The following MYT1L variants were observed in gnomAD, a reference collection of about 807,000 sequenced individuals.
The protein encoded by MYT1L is myelin transcription factor 1-like protein.
MYT1L carries 12 observed loss-of-function variants against 126.7 expected under a neutral mutation model. The ratio of observed to expected loss-of-function variants is 0.09; its 90% CI spans 0.06 to 0.15. The LOEUF is 0.15. MYT1L is among the 10% of genes least tolerant of loss of function. The pLI, the probability that MYT1L is intolerant of heterozygous loss-of-function variation, is 1.00. For missense variants in MYT1L, 979 were observed against 1,585.2 expected (o/e 0.62, Z 6.49); for synonymous variants, 541 against 604.2 (o/e 0.90, Z 1.53).
At chr2:2,207,085 C>A (rs11902218) in intron 2 of MYT1L, among the ~76,000 whole-genome samples, 35,384 of 152,120 alleles carry the variant, frequency 0.23, 4,468 homozygotes, top group African/African-American at 0.33. Context: ...CAGAAACACA[C>A]ATAAAACAAG....
chr2:1,997,805 G>A (rs1321244807), intron 4 of MYT1L, among the ~76,000 whole-genome samples: 2 of 152,334 alleles, frequency 1.3e-5, no homozygotes, highest in Middle Eastern at 3.4e-3. Context: ...GATGTCTCCA[G>A]GGACTTCTGG....
chr2:1,877,713 A>G (rs1326431978), intron 18 of MYT1L, among the ~76,000 whole-genome samples: 1 of 151,998 alleles, frequency 6.6e-6, no homozygotes, highest in Non-Finnish European at 1.5e-5. Flanking sequence ...GGCTGTGAGC[A>G]GTTCTGCTGA....
chr2:2,247,954 T>C (rs1048184540), intron 2 of MYT1L, among the ~76,000 whole-genome samples: 4 of 151,758 alleles, frequency 2.6e-5, no homozygotes, highest in African/African-American at 9.7e-5. Flanking sequence ...TTCAAATAAA[T>C]AACCAATAAT....
chr2:2,178,237 T>A (rs2091043522), intron 2 of MYT1L, among the ~76,000 whole-genome samples: 1 of 152,116 alleles, frequency 6.6e-6, no homozygotes, highest in South Asian at 2.1e-4. Flanking sequence ...TAAATTTAGG[T>A]TAGAAATTTA....
At chr2:1,994,310 C>T (rs1032266208) in intron 5 of MYT1L, among the ~76,000 whole-genome samples, 1 of 150,440 alleles carries the variant, frequency 6.6e-6, no homozygotes, top group African/African-American at 2.4e-5. Flanking sequence ...GGGCTCAGCC[C>T]TGGTTCACGC....
At chr2:2,178,221 G>T (rs1050512644) in intron 2 of MYT1L, among the ~76,000 whole-genome samples, 1 of 151,978 alleles carries the variant, frequency 6.6e-6, no homozygotes, top group Non-Finnish European at 1.5e-5. Flanking sequence ...TATAAAAAAT[G>T]ACTAATAAAT....
At chr2:2,056,352 G>A (rs148329189) in intron 3 of MYT1L, among the ~76,000 whole-genome samples, 1 of 152,348 alleles carries the variant, frequency 6.6e-6, no homozygotes, top group Non-Finnish European at 1.5e-5. Flanking sequence ...TGCTGGAGGT[G>A]AGACTACCTT....
At chr2:1,815,107 G>C (rs2037410507) in intron 21 of MYT1L, among the ~76,000 whole-genome samples, 1 of 152,212 alleles carries the variant, frequency 6.6e-6, no homozygotes, top group Admixed American at 6.5e-5. Flanking sequence ...AACCATGAAA[G>C]GCAGATGTCA....
At chr2:2,280,205 T>C (rs1444128102) in intron 2 of MYT1L, among the ~76,000 whole-genome samples, 1 of 152,250 alleles carries the variant, frequency 6.6e-6, no homozygotes, top group Middle Eastern at 3.2e-3. Context: ...AAGCATATAC[T>C]ATTCCTGCTT....
chr2:2,029,852 A>G (rs982615393), intron 4 of MYT1L, among the ~76,000 whole-genome samples: 7 of 152,232 alleles, frequency 4.6e-5, no homozygotes, highest in African/African-American at 1.7e-4. Context: ...CATATTTGTC[A>G]AAGTCAAAAA....
At chr2:2,050,109 T>C (rs2068662090) in intron 4 of MYT1L, among the ~76,000 whole-genome samples, 1 of 152,178 alleles carries the variant, frequency 6.6e-6, no homozygotes, top group Non-Finnish European at 1.5e-5. Context: ...TCATCTTTTG[T>C]AGTTTACATT....
Position 1,889,378 on chromosome 2 carries a change from G to T in MYT1L, c.2383C>A (p.Pro795Thr). 6.2e-7 allele frequency: 1 copy of T among 1,613,942 alleles called. No individual in the cohort carries two copies. Among genetic ancestry groups the T allele is most frequent in the Non-Finnish European group, 8.5e-7 (1 of 1,179,882 alleles). ...SCCPILTPLE[P>T]MSPQQQAVMN... ...ACTGCCTGCTGCTGGGGGGACATGG[G>T]CTCCAGAGGGGTCAGGATGGGGCAG... The change falls in exon 16 of 25, where the codon CCC becomes ACC. Residue 795 changes from proline (P) to threonine (T), a missense_variant. Pro to Thr is a conservative substitution (Grantham distance 38). Coordinates refer to ENST00000647738, the MANE Select transcript of MYT1L (RefSeq NM_001303052.2). This position sits in a 1 kb window ranked among gnomAD's most constrained non-coding sequence, Gnocchi z 4.1.
At chr2:2,092,915 T>C (rs1274741643) in intron 3 of MYT1L, among the ~76,000 whole-genome samples, 2 of 152,202 alleles carry the variant, frequency 1.3e-5, no homozygotes, top group Admixed American at 6.5e-5. Flanking sequence ...CCCTGCCCTT[T>C]AGCAGCTGAA....
rs1263910573 is a variant in MYT1L at position 2,228,423 on chromosome 2, C to T, written c.-420-55435G>A. 1.3e-5 allele frequency among the ~76,000 whole-genome samples: 2 copies of T among 152,086 alleles called. No individual in the cohort carries two copies. The highest frequency in any genetic ancestry group is 2.4e-5 in the African/African-American group (1 of 41,414). On this transcript the variant is annotated intron_variant, in intron 2 of 24. Transcript: ENST00000647738. This position sits in a 1 kb window ranked among gnomAD's most constrained non-coding sequence, Gnocchi z 5.9. ...ATACTGTAGTGAATGAATGTCTTAT[C>T]CAAAAGCAAACATTTTTTAATACTG... is the stretch of plus-strand genomic sequence containing the variant.
At chr2:1,977,560 A>T (rs1190539784) in intron 8 of MYT1L, among the ~76,000 whole-genome samples, 1 of 152,208 alleles carries the variant, frequency 6.6e-6, no homozygotes, top group African/African-American at 2.4e-5. Flanking sequence ...CACAAAGGAT[A>T]AATGCTTGAG....
Position 1,917,402 on chromosome 2 carries a change from T to A in MYT1L, c.1484-63A>T. ...ACCAATCAAAGACAAATGTGATTAT[T>A]TCACAATCTGAAGAAACCTTGCTAA... On this transcript the variant is annotated intron_variant, in intron 10 of 24. Transcript: ENST00000647738. This position sits in a 1 kb window ranked among gnomAD's most constrained non-coding sequence, Gnocchi z 5.9. 6.5e-7 allele frequency: 1 copy of A among 1,530,238 alleles called. No individual in the cohort carries two copies. The highest frequency in any genetic ancestry group is 8.9e-7 in the Non-Finnish European group (1 of 1,127,724). The allele number at this position is 1,530,238 out of a possible 1,614,324, so 94.8% of individuals were successfully genotyped here.
Position 2,251,829 on chromosome 2 carries a change from A to C in MYT1L, c.-421+32575T>G, listed in dbSNP as rs2094658094. 4.6e-5 allele frequency among the ~76,000 whole-genome samples: 7 copies of C among 152,046 alleles called. 1 individual carries two copies. The highest frequency in any genetic ancestry group is 2.4e-5 in the African/African-American group (1 of 41,458). On this transcript the variant is annotated intron_variant, in intron 2 of 24. Coordinates refer to ENST00000647738, the MANE Select transcript of MYT1L (RefSeq NM_001303052.2). ...ATAAGGGCCAGGTTCAATATGGGAA[A>C]AGAAAAAAAAAGGAAGGAAGGAAGG...
At chr2:2,015,921 C>T (rs2064336591) in intron 4 of MYT1L, among the ~76,000 whole-genome samples, 1 of 152,184 alleles carries the variant, frequency 6.6e-6, no homozygotes, top group Admixed American at 6.5e-5. Flanking sequence ...GGGTGGGACT[C>T]CCAGGTCAGG....
At chr2:1,941,401 A>G (rs1289011709) in intron 9 of MYT1L, among the ~76,000 whole-genome samples, 2 of 152,184 alleles carry the variant, frequency 1.3e-5, no homozygotes, top group Non-Finnish European at 2.9e-5. Context: ...CTCCACAATT[A>G]ATGAGTCACT....
Sources: gnomAD v4.1 joint callset for allele counts (sites outside exome capture counted in the v4.1 genomes callset) on GRCh38, gnomAD v4.1.1 for gene constraint, Gnocchi (gnomAD v3.1) non-coding constraint, MANE v1.5 for transcripts, NCBI Gene and HGNC (gene_info 2026-07-23, HGNC 2026-07-21) for gene names.